Variants in MMP15 observed in about 807,000 individuals in gnomAD.
MMP15 encodes matrix metallopeptidase 15, also known as matrix metalloproteinase-15.
MMP15 carries 36 observed loss-of-function variants against 65.0 expected under a neutral mutation model. The observed-to-expected ratio is 0.55, with a 90% confidence interval of 0.42 to 0.73. The LOEUF is 0.73. MMP15 is among the 30% of genes least tolerant of loss of function. The probability of loss-of-function intolerance (pLI) is 0.00; values close to 1 mark genes in which losing one functional copy is unlikely to be tolerated. For synonymous variants in MMP15, 428 were observed against 410.2 expected, an observed-to-expected ratio of 1.04 and a Z score of -0.52; for missense variants, 870 against 987.8, an observed-to-expected ratio of 0.88 and a Z score of 1.60.
At chr16:58,039,586 A>G (rs905444086) in intron 3 of MMP15, among the ~76,000 whole-genome samples, 1 of 152,216 alleles carries the variant, frequency 6.6e-6, no homozygotes, top group African/African-American at 2.4e-5. Flanking sequence ...ACTCATTTGC[A>G]TCCCATTTTC....
In MMP15 at chr16:58,037,569, A is replaced by T; in HGVS notation, c.260A>T (p.Gln87Leu). Residue 87 changes from glutamine (Q) to leucine (L), a missense_variant, in exon 2 of 10, where the codon CAG becomes CTG. Physicochemically the swap from Gln to Leu is moderately radical, Grantham distance 113. Coordinates refer to ENST00000219271, the MANE Select transcript of MMP15 (RefSeq NM_002428.4). ...QILASALAEM[Q>L]RFYGIPVTGV... ...TTGGCCTCGGCCCTTGCAGAGATGC[A>T]GCGCTTCTACGGGATCCCAGTCACC... is the stretch of plus-strand genomic sequence containing the variant. 6.2e-7 allele frequency: 1 copy of T among 1,614,172 alleles called. No individual in the cohort carries two copies. The highest frequency in any genetic ancestry group is 8.5e-7 in the Non-Finnish European group (1 of 1,180,028).
At chr16:58,044,148 G>A (rs565325416) in intron 9 of MMP15, among the ~76,000 whole-genome samples, 22 of 152,300 alleles carry the variant, frequency 1.4e-4, no homozygotes, top group African/African-American at 4.3e-4. Flanking sequence ...GGTCTCTAGT[G>A]CATTTAAGAA....
Position 58,040,552 on chromosome 16 carries a change from T to C in MMP15, c.764T>C (p.Leu255Pro). 1 of 1,613,556 alleles carries C rather than the reference T, an allele frequency of 6.2e-7. No homozygotes were observed. Among genetic ancestry groups the C allele is most frequent in the Non-Finnish European group, 8.5e-7 (1 of 1,180,030 alleles). The change falls in exon 5 of 10, where the codon CTG (leucine) becomes CCG (proline). Residue 255 changes from leucine to proline, a missense_variant. Physicochemically the swap from Leu to Pro is moderately conservative, Grantham distance 98 (BLOSUM62 -3). Coordinates refer to ENST00000219271, the MANE Select transcript of MMP15 (RefSeq NM_002428.4). ...TCCCCAAAAGGAAACAACCTCTTCC[T>C]GGTGGCAGTGCATGAGCTGGGCCAC... is the stretch of plus-strand genomic sequence containing the variant. ...STDLHGNNLF[L>P]VAVHELGHAL... is the part of the protein sequence containing the mutation.
Position 58,038,305 on chromosome 16 carries a change from C to G in MMP15, c.351C>G (p.Phe117Leu). The change falls in exon 3 of 10, where the codon TTC becomes TTG. Residue 117 changes from phenylalanine (F) to leucine (L), a missense_variant. Transcript: ENST00000219271. Reference sequence around the variant, plus strand: ...CCCGCTGTGGGGTGCCAGACCAGTTCGGGGTACGAGTGAAAGCCAACCTGC... The same window carrying G: ...CCCGCTGTGGGGTGCCAGACCAGTTGGGGGTACGAGTGAAAGCCAACCTGC... ...KRPRCGVPDQ[F>L]GVRVKANLRR... The G allele has an allele frequency of 3.1e-6, 5 of 1,614,024 alleles. No individual in the cohort carries two copies. Among genetic ancestry groups the G allele is most frequent in the South Asian group, 1.1e-5 (1 of 91,076 alleles).
intron 6 of MMP15, 78 bp from the exon 7 acceptor site, chr16:58,042,153 A>AG: frequency 2.6e-6 from 4 of 1,527,914 alleles, no homozygotes; most frequent in Non-Finnish European, 3.5e-6. Flanking sequence ...TCACCTGGGA[A>AG]GGGGTGGTTT....
At position 58,041,811 on chromosome 16, in the gene MMP15, A is replaced by G. The variant is rs1377490253; in HGVS notation, c.1105A>G (p.Ile369Val). The G allele has an allele frequency of 1.2e-6, 2 of 1,612,232 alleles. No homozygotes were observed. Among genetic ancestry groups the G allele is most frequent in the Admixed American group, 1.7e-5 (1 of 59,600 alleles). ...GCGGCCCGACCAGTATGGCCCCAAC[A>G]TCTGCGACGGGGACTTTGACACAGT... Reference protein sequence around the residue: ...TERPDQYGPNICDGDFDTVAM... With the variant: ...TERPDQYGPNVCDGDFDTVAM... The change falls in exon 6 of 10, where the codon ATC (isoleucine) becomes GTC (valine). Residue 369 changes from isoleucine (I) to valine (V), a missense_variant. By Grantham distance (29) the Ile-to-Val change is conservative. Transcript: ENST00000219271.
At chr16:58,035,462 C>T (rs1324870739) in intron 1 of MMP15, among the ~76,000 whole-genome samples, 1 of 152,222 alleles carries the variant, frequency 6.6e-6, no homozygotes, top group African/African-American at 2.4e-5. Context: ...CGAAGGCTGC[C>T]TGCCCCAGGG....
chr16:58,026,069 C>T lies in MMP15; in HGVS notation c.-282C>T, dbSNP rs1017800330. Reference sequence around the variant, plus strand: ...CCGGAGTTGCGCTTGCTCTCGGGAGCCGGGCCCCAGGCGCTGGGCGCCGAG... The same window carrying T: ...CCGGAGTTGCGCTTGCTCTCGGGAGTCGGGCCCCAGGCGCTGGGCGCCGAG... On this transcript the variant is annotated 5_prime_UTR_variant, in exon 1 of 10. Coordinates refer to ENST00000219271, the MANE Select transcript of MMP15 (RefSeq NM_002428.4). 4.0e-5 allele frequency: 13 copies of T among 323,680 alleles called. No homozygotes were observed. The highest frequency in any genetic ancestry group is 8.2e-4 in the Middle Eastern group (1 of 1,214). 20.1% of individuals were successfully genotyped at this position (323,680 alleles called of 1,614,324 possible). A position where few individuals can be genotyped will look rare whatever the true frequency, so the allele number is the denominator to read the frequency against.
rs545299331 is a variant in MMP15, at chr16:58,037,136, G to A, written c.163-336G>A. Among the ~76,000 whole-genome samples, 100 of 152,348 alleles carry A rather than the reference G, an allele frequency of 6.6e-4. 1 individual carries two copies. The highest frequency in any genetic ancestry group is 6.2e-3 in the South Asian group (30 of 4,822). ...AAGGCCCTGCGGCAGGAGCATGCCC[G>A]GCTGGGGTGGATGGTGGTGAGGTCC... On this transcript the variant is annotated intron_variant, in intron 1 of 9. Coordinates refer to ENST00000219271, the MANE Select transcript of MMP15 (RefSeq NM_002428.4).
Position 58,026,530 on chromosome 16 carries a change from C to T in MMP15, c.162+18C>T. 2 of 1,312,192 alleles carry T rather than the reference C, an allele frequency of 1.5e-6. No individual in the cohort carries two copies. The highest frequency in any genetic ancestry group is 9.7e-7 in the Non-Finnish European group (1 of 1,028,384). 81.3% of individuals were successfully genotyped at this position (1,312,192 alleles called of 1,614,324 possible). A position where few individuals can be genotyped will look rare whatever the true frequency, so the allele number is the denominator to read the frequency against. ...ATGCCGAGGTAAGACCCCCGCCCTG[C>T]CCTTTGGCTGCGGGCTGGGGGCTTG... On this transcript the variant is annotated intron_variant, in intron 1 of 9. Transcript: ENST00000219271.
In MMP15 at chr16:58,045,584, C is replaced by T; in HGVS notation, c.*138C>T. 1 of 692,256 alleles carries T rather than the reference C, an allele frequency of 1.4e-6. No homozygotes were observed. Among genetic ancestry groups the T allele is most frequent in the South Asian group, 2.0e-5 (1 of 50,628 alleles). The allele number at this position is 692,256 out of a possible 1,614,324, so 42.9% of individuals were successfully genotyped here. A position where few individuals can be genotyped will look rare whatever the true frequency, so the allele number is the denominator to read the frequency against. ...TCTGCCCCGCCCTCATTATTTATGT[C>T]CAGGTGTTTGTTTTGTTTTGTTTTT... On this transcript the variant is annotated 3_prime_UTR_variant, in exon 10 of 10. Coordinates refer to ENST00000219271, the MANE Select transcript of MMP15 (RefSeq NM_002428.4).
intron 6 of MMP15, 61 bp from the exon 7 acceptor site, chr16:58,042,170 G>A (rs1473766119): frequency 6.4e-7 from 1 of 1,563,302 alleles, no homozygotes; most frequent in African/African-American, 1.4e-5. Flanking sequence ...GTTTGAGGAT[G>A]GCACCTCTCC....
Position 58,037,459 on chromosome 16 carries a change from G to T in MMP15, c.163-13G>T. 1 of 1,612,780 alleles carries T rather than the reference G, an allele frequency of 6.2e-7. No individual in the cohort carries two copies. The highest frequency in any genetic ancestry group is 8.5e-7 in the Non-Finnish European group (1 of 1,179,218). ...TGCCAGGACCTGCTGACAGAGTTGC[G>T]GCTTCTTTGCAGAACTGGCTGCGGC... On this transcript the variant is annotated splice_polypyrimidine_tract_variant and intron_variant, in intron 1 of 9. Transcript: ENST00000219271.
chr16:58,041,163 G>T (rs773122460), intron 5 of MMP15, among the ~76,000 whole-genome samples: 25 of 152,188 alleles, frequency 1.6e-4, no homozygotes, highest in Non-Finnish European at 2.4e-4. Flanking sequence ...CAGCAGTGAG[G>T]TCCCCTGGGC....
At chr16:58,040,936 G>A in intron 5 of MMP15, 1 of 614,678 alleles carries the variant, frequency 1.6e-6, no homozygotes, top group African/African-American at 1.8e-5. Context: ...AGGCCTTGAA[G>A]GGACACAGGT....
chr16:58,040,601 C>G lies in MMP15; in HGVS notation c.813C>G (p.Ser271Arg). The change falls in exon 5 of 10, where the codon AGC becomes AGG. Residue 271 changes from serine (S) to arginine (R), a missense_variant. Ser to Arg is a moderately radical substitution (Grantham distance 110). Coordinates refer to ENST00000219271, the MANE Select transcript of MMP15 (RefSeq NM_002428.4). Reference protein sequence around the residue: ...LGHALGLEHSSNPNAIMAPFY... With the variant: ...LGHALGLEHSRNPNAIMAPFY... ...ACGCGCTGGGGCTGGAGCACTCCAG[C>G]AACCCCAATGCCATCATGGCGCCGT... 1 of 1,614,156 alleles carries G rather than the reference C, an allele frequency of 6.2e-7. No individual in the cohort carries two copies. The highest frequency in any genetic ancestry group is 1.3e-5 in the African/African-American group (1 of 75,064).
intron 7 of MMP15, 97 bp downstream of exon 7, chr16:58,042,466 A>G (rs978116529): frequency 6.6e-7 from 1 of 1,509,524 alleles, no homozygotes; most frequent in Non-Finnish European, 9.0e-7. Flanking sequence ...GTTGCATTGC[A>G]TGTCTGGTCC....
In MMP15 at chr16:58,041,724, C is replaced by T. The variant is rs753528475; in HGVS notation, c.1018C>T (p.Pro340Ser). The change falls in exon 6 of 10, where the codon CCA becomes TCA. Residue 340 changes from proline to serine, a missense_variant. Pro to Ser is a moderately conservative substitution (Grantham distance 74). Transcript: ENST00000219271. ...RPPRPPQPPP[P>S]GGKPERPPKP... ...GCCCCGGCCTCCCCAGCCACCACCC[C>T]CAGGTGGGAAGCCAGAGCGGCCCCC... is the stretch of plus-strand genomic sequence containing the variant. The T allele has an allele frequency of 5.7e-6, 9 of 1,590,616 alleles. No homozygotes were observed. Among genetic ancestry groups the T allele is most frequent in the Non-Finnish European group, 7.7e-6 (9 of 1,168,484 alleles).
intron 1 of MMP15, among the ~76,000 whole-genome samples, chr16:58,030,370 G>C (rs41352550): frequency 0.014 from 2,124 of 152,276 alleles, 18 homozygotes; most frequent in Admixed American, 0.024. Context: ...TCAGACACAG[G>C]TTCCAGGGAT....
Sources: allele counts gnomAD v4.1 joint callset (sites outside exome capture counted in the v4.1 genomes callset), GRCh38; gene constraint gnomAD v4.1.1; transcripts MANE v1.5; gene names NCBI Gene and HGNC (gene_info 2026-07-23, HGNC 2026-07-21).